The following MLEC variants were observed in gnomAD, a reference collection of about 807,000 sequenced individuals.
The protein encoded by MLEC is oligosaccharyltransferase complex subunit (non-catalytic).
A neutral mutation model predicts 28.7 loss-of-function variants in MLEC; 7 were observed. The ratio of observed to expected loss-of-function variants is 0.24; its 90% CI spans 0.14 to 0.46. The LOEUF is 0.46. Among genes scored for constraint, MLEC ranks in the 20% least tolerant of loss-of-function variants. The probability of loss-of-function intolerance (pLI) is 0.99; values close to 1 mark genes in which losing one functional copy is unlikely to be tolerated. For missense variants in MLEC, 237 were observed against 391.1 expected, an observed-to-expected ratio of 0.61 and a Z score of 3.32; for synonymous variants, 142 against 164.4, an observed-to-expected ratio of 0.86 and a Z score of 1.04.
At chr12:120,690,694 C>G (rs1409442081) in intron 1 of MLEC, among the ~76,000 whole-genome samples, 1 of 152,144 alleles carries the variant, frequency 6.6e-6, no homozygotes, top group Non-Finnish European at 1.5e-5. Flanking sequence ...GTTGCTAATG[C>G]TGTAACCTTA....
rs370238314 is a variant in MLEC, at chr12:120,695,064, G to A, written c.592-31G>A. 3.5e-4 allele frequency: 572 copies of A among 1,614,162 alleles called. 7 individuals carry two copies. In the South Asian group the frequency reaches 5.3e-3, roughly 15 times the overall value. The stretch of plus-strand genomic sequence containing the variant: ...TACAGGGGAAGTTGTTTGCTGCTGT[G>A]TGGGGTTGACCACTGTTTCCCTTTT... On this transcript the variant is annotated intron_variant, in intron 3 of 4. Coordinates refer to ENST00000228506, the MANE Select transcript of MLEC (RefSeq NM_014730.4).
At position 120,687,276 on chromosome 12, in the gene MLEC, G is replaced by T; in HGVS notation, c.-21G>T. ...CCGAGGACGAGGGTCGGCGGGGGCT[G>T]CCCCCGTGGTGGTGGCCGCCATGCT... On this transcript the variant is annotated 5_prime_UTR_variant, in exon 1 of 5. Transcript: ENST00000228506. The surrounding 1 kb of genome is among the most constrained non-coding windows in gnomAD (Gnocchi z 8.1). 1 of 1,366,324 alleles carries T rather than the reference G, an allele frequency of 7.3e-7. No individual in the cohort carries two copies. Among genetic ancestry groups the T allele is most frequent in the South Asian group, 1.8e-5 (1 of 54,590 alleles). 84.6% of individuals were successfully genotyped at this position (1,366,324 alleles called of 1,614,324 possible).
chr12:120,690,777 A>G (rs1882011332), intron 1 of MLEC, among the ~76,000 whole-genome samples: 1 of 152,148 alleles, frequency 6.6e-6, no homozygotes, highest in Non-Finnish European at 1.5e-5. Flanking sequence ...AAGAGCTTGA[A>G]ACATGGGATG....
rs911534398 is a variant in MLEC at position 120,694,760 on chromosome 12, C to A, written c.415-64C>A. On this transcript the variant is annotated intron_variant, in intron 2 of 4. Transcript: ENST00000228506. The surrounding 1 kb of genome is among the most constrained non-coding windows in gnomAD (Gnocchi z 4.5). Reference sequence around the variant, plus strand: ...TCAAGCCCAAACACGTGCATGATGTCCAACTGCTTGAAAGGATGTAAAGCT... The same window carrying A: ...TCAAGCCCAAACACGTGCATGATGTACAACTGCTTGAAAGGATGTAAAGCT... 15 of 1,464,476 alleles carry A rather than the reference C, an allele frequency of 1.0e-5. No homozygotes were observed. The African/African-American group carries it at 2.1e-4, about 21-fold the overall frequency. The allele number at this position is 1,464,476 out of a possible 1,614,324, so 90.7% of individuals were successfully genotyped here.
rs138599876 is a variant in MLEC at position 120,698,258 on chromosome 12, T to A, written c.*1713T>A. 1.3e-5 allele frequency: 2 copies of A among 152,372 alleles called. No individual in the cohort carries two copies. Among genetic ancestry groups the A allele is most frequent in the Non-Finnish European group, 2.9e-5 (2 of 68,030 alleles). The allele number at this position is 152,372 out of a possible 1,614,324, so 9.4% of individuals were successfully genotyped here. A position where few individuals can be genotyped will look rare whatever the true frequency, so the allele number is the denominator to read the frequency against. On this transcript the variant is annotated 3_prime_UTR_variant, in exon 5 of 5. Transcript: ENST00000228506. Reference sequence around the variant, plus strand: ...CTCTGTATATTTGAACTGCTCCTTATGTGACAAAATAGGTAGCTCTTGGGC... The same window carrying A: ...CTCTGTATATTTGAACTGCTCCTTAAGTGACAAAATAGGTAGCTCTTGGGC...
intron 1 of MLEC, among the ~76,000 whole-genome samples, chr12:120,691,287 C>T (rs1000663938): frequency 6.6e-6 from 1 of 152,240 alleles, no homozygotes; most frequent in Non-Finnish European, 1.5e-5. Context: ...TGTCTCTCTC[C>T]GTGTGAGGCA....
intron 1 of MLEC, among the ~76,000 whole-genome samples, chr12:120,693,815 C>A (rs1882123421): frequency 6.6e-6 from 1 of 152,212 alleles, no homozygotes; most frequent in Non-Finnish European, 1.5e-5. Flanking sequence ...GGGAAAAAGT[C>A]ATTTTAATGT....
In MLEC at chr12:120,699,671, T is replaced by C. The variant is rs781614407; in HGVS notation, c.*3126T>C. ...GCTCAATCGACACCCCGAGTTCTCA[T>C]GACTGGGAAGATAGTTTTCTTCAGG... On this transcript the variant is annotated 3_prime_UTR_variant, in exon 5 of 5. Transcript: ENST00000228506. 6.6e-6 allele frequency: 1 copy of C among 152,264 alleles called. No individual in the cohort carries two copies. The highest frequency in any genetic ancestry group is 2.4e-5 in the African/African-American group (1 of 41,468). The allele number at this position is 152,264 out of a possible 1,614,324, so 9.4% of individuals were successfully genotyped here. A position where few individuals can be genotyped will look rare whatever the true frequency, so the allele number is the denominator to read the frequency against.
Position 120,701,818 on chromosome 12 carries a change from C to G in MLEC, c.*5273C>G, listed in dbSNP as rs1882458649. 6.6e-6 allele frequency: 1 copy of G among 152,662 alleles called. No homozygotes were observed. Among genetic ancestry groups the G allele is most frequent in the Non-Finnish European group, 1.5e-5 (1 of 68,056 alleles). 9.5% of individuals were successfully genotyped at this position (152,662 alleles called of 1,614,324 possible). A position where few individuals can be genotyped will look rare whatever the true frequency, so the allele number is the denominator to read the frequency against. Reference sequence around the variant, plus strand: ...AAGTACAAAATCAGGATGTTTTTCACTGTCCATTGCTTTGTGTTTTAATAA... The same window carrying G: ...AAGTACAAAATCAGGATGTTTTTCAGTGTCCATTGCTTTGTGTTTTAATAA... On this transcript the variant is annotated 3_prime_UTR_variant, in exon 5 of 5. Transcript: ENST00000228506. This position sits in a 1 kb window ranked among gnomAD's most constrained non-coding sequence, Gnocchi z 4.0.
At chr12:120,695,175 T>A (rs1484538601) in intron 4 of MLEC, 23 bp downstream of exon 4, 1 of 1,613,882 alleles carries the variant, frequency 6.2e-7, no homozygotes, top group Admixed American at 1.7e-5. Flanking sequence ...CTGACCTGCT[T>A]TTTTGACTTG....
intron 4 of MLEC, among the ~76,000 whole-genome samples, chr12:120,695,732 C>T (rs1781924324): frequency 6.6e-6 from 1 of 152,208 alleles, no homozygotes; most frequent in African/African-American, 2.4e-5. Context: ...ACATTTCTCC[C>T]CCATTCCACC....
At position 120,687,601 on chromosome 12, in the gene MLEC, G is replaced by A. The variant is rs1372408245; in HGVS notation, c.235+70G>A. The A allele has an allele frequency of 7.9e-7, 1 of 1,271,996 alleles. No individual in the cohort carries two copies. Among genetic ancestry groups the A allele is most frequent in the South Asian group, 1.8e-5 (1 of 57,006 alleles). 78.8% of individuals were successfully genotyped at this position (1,271,996 alleles called of 1,614,324 possible). A position where few individuals can be genotyped will look rare whatever the true frequency, so the allele number is the denominator to read the frequency against. ...CTGGGCGCAGCCGGCCGGGGGCTGC[G>A]GGCCCCGAGCCCCTTTCGACCCTGG... On this transcript the variant is annotated intron_variant, in intron 1 of 4. Coordinates refer to ENST00000228506, the MANE Select transcript of MLEC (RefSeq NM_014730.4). The surrounding 1 kb of genome is among the most constrained non-coding windows in gnomAD (Gnocchi z 8.1).
Position 120,687,418 on chromosome 12 carries a change from G to A in MLEC, c.122G>A (p.Gly41Glu). Reference protein sequence around the residue: ...LGVAGVAGAAGAGLPESVIWA... With the variant: ...LGVAGVAGAAEAGLPESVIWA... ...GTGGCCGGCGTGGCCGGCGCGGCGGGGGCCGGGCTGCCCGAGAGCGTCATT... is the reference window on the plus strand; with the variant it reads ...GTGGCCGGCGTGGCCGGCGCGGCGGAGGCCGGGCTGCCCGAGAGCGTCATT... The change falls in exon 1 of 5, where the codon GGG (glycine) becomes GAG (glutamate). Residue 41 changes from glycine to glutamate, a missense_variant. By Grantham distance (98) the Gly-to-Glu change is moderately conservative. Transcript: ENST00000228506. This position sits in a 1 kb window ranked among gnomAD's most constrained non-coding sequence, Gnocchi z 8.1. The A allele has an allele frequency of 7.2e-7, 1 of 1,397,232 alleles. No individual in the cohort carries two copies. The highest frequency in any genetic ancestry group is 9.3e-7 in the Non-Finnish European group (1 of 1,076,462). The allele number at this position is 1,397,232 out of a possible 1,614,324, so 86.6% of individuals were successfully genotyped here.
rs1335497709 is a variant in MLEC at position 120,701,240 on chromosome 12, G to A, written c.*4695G>A. 1 of 152,312 alleles carries A rather than the reference G, an allele frequency of 6.6e-6. No homozygotes were observed. The highest frequency in any genetic ancestry group is 1.5e-5 in the Non-Finnish European group (1 of 68,046). 9.4% of individuals were successfully genotyped at this position (152,312 alleles called of 1,614,324 possible). ...TCCGTCCTTTCAAAGGACAACTGTC[G>A]GGAAGGGAGAGCCGAGTTGCGAGGT... is the stretch of plus-strand genomic sequence containing the variant. On this transcript the variant is annotated 3_prime_UTR_variant, in exon 5 of 5. Transcript: ENST00000228506. This position sits in a 1 kb window ranked among gnomAD's most constrained non-coding sequence, Gnocchi z 4.0.
Position 120,700,271 on chromosome 12 carries a change from G to C in MLEC, c.*3726G>C, listed in dbSNP as rs147547010. 1 of 152,722 alleles carries C rather than the reference G, an allele frequency of 6.5e-6. No homozygotes were observed. The highest frequency in any genetic ancestry group is 1.5e-5 in the Non-Finnish European group (1 of 68,162). The allele number at this position is 152,722 out of a possible 1,614,324, so 9.5% of individuals were successfully genotyped here. On this transcript the variant is annotated 3_prime_UTR_variant, in exon 5 of 5. Coordinates refer to ENST00000228506, the MANE Select transcript of MLEC (RefSeq NM_014730.4). The surrounding 1 kb of genome is among the most constrained non-coding windows in gnomAD (Gnocchi z 4.0). The stretch of plus-strand genomic sequence containing the variant: ...GTCCTATAGTCCCTGCCATGGGGCT[G>C]CTTCCCTGTCCCTTCCCTCCCCTTT...
chr12:120,696,625 A>G lies in MLEC; in HGVS notation c.*80A>G, dbSNP rs1882249006. 6.4e-7 allele frequency: 1 copy of G among 1,551,766 alleles called. No individual in the cohort carries two copies. On this transcript the variant is annotated 3_prime_UTR_variant, in exon 5 of 5. Coordinates refer to ENST00000228506, the MANE Select transcript of MLEC (RefSeq NM_014730.4). The surrounding 1 kb of genome is among the most constrained non-coding windows in gnomAD (Gnocchi z 5.4). ...ATTGGTTTTGGTTTCTGTATTTTTCACAATGATTAATGAACAAAAACAAAG... is the reference window on the plus strand; with the variant it reads ...ATTGGTTTTGGTTTCTGTATTTTTCGCAATGATTAATGAACAAAAACAAAG...
intron 4 of MLEC, among the ~76,000 whole-genome samples, chr12:120,695,394 A>C (rs1416286656): frequency 6.6e-6 from 1 of 152,198 alleles, no homozygotes; most frequent in Non-Finnish European, 1.5e-5. Context: ...GATGCTTTTA[A>C]TTTCCCTATA....
chr12:120,691,844 C>A (rs1361738757), intron 1 of MLEC, among the ~76,000 whole-genome samples: 1 of 152,008 alleles, frequency 6.6e-6, no homozygotes, highest in Non-Finnish European at 1.5e-5. Context: ...CAGTTCCTCA[C>A]TTTTTCCACT....
rs1402517051 is a variant in MLEC at position 120,687,253 on chromosome 12, G to A, written c.-44G>A. ...GTCCGGGGTGGCCTGGCAGCCGGCC[G>A]AGGACGAGGGTCGGCGGGGGCTGCC... On this transcript the variant is annotated 5_prime_UTR_variant, in exon 1 of 5. Coordinates refer to ENST00000228506, the MANE Select transcript of MLEC (RefSeq NM_014730.4). The surrounding 1 kb of genome is among the most constrained non-coding windows in gnomAD (Gnocchi z 8.1). The A allele has an allele frequency of 2.9e-6, 4 of 1,360,176 alleles. No homozygotes were observed. The highest frequency in any genetic ancestry group is 4.0e-5 in the Admixed American group (1 of 25,006). 84.3% of individuals were successfully genotyped at this position (1,360,176 alleles called of 1,614,324 possible).
Sources: gnomAD v4.1 joint callset for allele counts (sites outside exome capture counted in the v4.1 genomes callset) on GRCh38, gnomAD v4.1.1 for gene constraint, Gnocchi (gnomAD v3.1) non-coding constraint, MANE v1.5 for transcripts, NCBI Gene and HGNC (gene_info 2026-07-23, HGNC 2026-07-21) for gene names.